The following CSPG4 variants were observed in gnomAD, a reference collection of about 807,000 sequenced individuals.
CSPG4 encodes the protein chondroitin sulfate proteoglycan 4.
In CSPG4, 74 loss-of-function variants were observed where a neutral mutation model predicts 139.3. That is an observed-to-expected ratio of 0.53 (90% CI 0.44 to 0.64). The LOEUF is 0.64. CSPG4 is among the 30% of genes least tolerant of loss of function. CSPG4 has a pLI of 0.00. For missense variants in CSPG4, 2,565 were observed against 3,148.3 expected, an observed-to-expected ratio of 0.81 and a Z score of 4.43; for synonymous variants, 1,234 against 1,394.2, an observed-to-expected ratio of 0.89 and a Z score of 2.56.
Position 75,682,729 on chromosome 15 carries a change from C to T in CSPG4, c.4661G>A (p.Gly1554Glu). The change falls in exon 7 of 10, where the codon GGA (glycine) becomes GAA (glutamate). Residue 1554 changes from glycine (G) to glutamate (E), a missense_variant. Gly to Glu is a moderately conservative substitution (Grantham distance 98). Around this residue, in one of 5 missense-constraint regions of CSPG4, gnomAD observed 2,316 missense variants for 2,818.2 expected, o/e 0.82. Transcript: ENST00000308508. ...VLFSHRGTLD[G>E]GFRFRLSDGE... ...GTCAGAGAGGCGGAAGCGGAAGCCT[C>T]CATCCAGGGTTCCTGGGGACAGGGG... The T allele has an allele frequency of 6.2e-7, 1 of 1,612,926 alleles. No homozygotes were observed. Among genetic ancestry groups the T allele is most frequent in the Non-Finnish European group, 8.5e-7 (1 of 1,180,002 alleles).
Position 75,689,044 on chromosome 15 carries a change from G to C in CSPG4, c.2021C>G (p.Ala674Gly). 6.2e-7 allele frequency: 1 copy of C among 1,611,524 alleles called. No homozygotes were observed. Among genetic ancestry groups the C allele is most frequent in the Non-Finnish European group, 8.5e-7 (1 of 1,179,956 alleles). The change falls in exon 3 of 10, where the codon GCC (alanine) becomes GGC (glycine). Residue 674 changes from alanine to glycine, a missense_variant. By Grantham distance (60) the Ala-to-Gly change is moderately conservative. Around this residue, in one of 5 missense-constraint regions of CSPG4, gnomAD observed 2,316 missense variants for 2,818.2 expected, o/e 0.82. Transcript: ENST00000308508. ...CAAGATGGGCATGGCAGAGCCTTGG[G>C]CCAGTCGCAACCCTGTGCTGCGGTG... is the stretch of plus-strand genomic sequence containing the variant. ...QIHRSTGLRL[A>G]QGSAMPILPA... is the part of the protein sequence containing the mutation.
At position 75,688,792 on chromosome 15, in the gene CSPG4, T is replaced by C. The variant is rs1201159589; in HGVS notation, c.2273A>G (p.Asn758Ser). 4.0e-5 allele frequency: 65 copies of C among 1,612,758 alleles called. No individual in the cohort carries two copies. The highest frequency in any genetic ancestry group is 5.4e-5 in the Non-Finnish European group (64 of 1,179,888). Residue 758 changes from asparagine to serine, a missense_variant, in exon 3 of 10, where the codon AAC (asparagine) becomes AGC (serine). This residue lies in a region of CSPG4 where 2,316 missense variants were observed against 2,818.2 expected (regional missense o/e 0.82). Transcript: ENST00000308508. Reference protein sequence around the residue: ...PQHHAYDTVENLALEVQVGQE... With the variant: ...PQHHAYDTVESLALEVQVGQE... Reference sequence around the variant, plus strand: ...GCCCACCTGCACCTCCAGGGCCAGGTTCTCCACGGTGTCGTAAGCGTGGTG... The same window carrying C: ...GCCCACCTGCACCTCCAGGGCCAGGCTCTCCACGGTGTCGTAAGCGTGGTG...
At chr15:75,709,990 C>T (rs1431326371) in intron 1 of CSPG4, among the ~76,000 whole-genome samples, 2 of 151,864 alleles carry the variant, frequency 1.3e-5, no homozygotes, top group Non-Finnish European at 2.9e-5. Flanking sequence ...AAGGTGCACA[C>T]AAGGCTCAGT....
chr15:75,678,657 A>G (rs1726440661), intron 8 of CSPG4: 1 of 455,950 alleles, frequency 2.2e-6, no homozygotes, highest in African/African-American at 2.0e-5. Flanking sequence ...CCTGGCCAGA[A>G]AAAACTATTC....
intron 1 of CSPG4, among the ~76,000 whole-genome samples, chr15:75,697,520 C>T (rs994564287): frequency 2.6e-5 from 4 of 152,250 alleles, no homozygotes; most frequent in African/African-American, 9.6e-5. Context: ...GGTCCCAGCA[C>T]CACCCGTGTG....
rs560129421 is a variant in CSPG4 at position 75,703,565 on chromosome 15, T to A, written c.88+9103A>T. 2.0e-5 allele frequency among the ~76,000 whole-genome samples: 3 copies of A among 152,264 alleles called. No homozygotes were observed. In the East Asian group the frequency reaches 5.8e-4, roughly 30 times the overall value. ...TCTCCACGGGGAAGGCCCAGGCCTG[T>A]TGGAGGCAACGCAATGCGGTGGGGC... On this transcript the variant is annotated intron_variant, in intron 1 of 9. Coordinates refer to ENST00000308508, the MANE Select transcript of CSPG4 (RefSeq NM_001897.5).
intron 1 of CSPG4, among the ~76,000 whole-genome samples, chr15:75,706,719 A>G (rs1894378371): frequency 6.6e-6 from 1 of 152,152 alleles, no homozygotes; most frequent in African/African-American, 2.4e-5. Flanking sequence ...GTAGAAGTGG[A>G]AAGGTGCCAG....
At position 75,688,683 on chromosome 15, in the gene CSPG4, A is replaced by T; in HGVS notation, c.2382T>A (p.Thr794=). The T allele has an allele frequency of 6.2e-7, 1 of 1,611,386 alleles. No individual in the cohort carries two copies. Among genetic ancestry groups the T allele is most frequent in the Non-Finnish European group, 8.5e-7 (1 of 1,179,100 alleles). The change falls in exon 3 of 10, where the codon ACT becomes ACA. Residue 794 remains threonine, a synonymous_variant. Coordinates refer to ENST00000308508, the MANE Select transcript of CSPG4 (RefSeq NM_001897.5). ...TGAGGGTCTCCTGCTGGGTGTTCTG[A>T]GTGTGCAGTGGCTCCAGCCGCAGCA... is the stretch of plus-strand genomic sequence containing the variant. ...VWMLRLEPLH[T]QNTQQETLTT... is the part of the protein sequence containing the mutation.
chr15:75,680,629 C>CA (rs1893960832), intron 8 of CSPG4: 1 of 153,086 alleles, frequency 6.5e-6, no homozygotes, highest in African/African-American at 2.4e-5. Context: ...GGGAGTGAGA[C>CA]AAAAAACAGG....
intron 5 of CSPG4, among the ~76,000 whole-genome samples, chr15:75,683,595 G>C (rs1016913177): frequency 6.6e-6 from 1 of 152,254 alleles, no homozygotes; most frequent in African/African-American, 2.4e-5. Context: ...GATGGGCCCA[G>C]GTGCTTCCAG....
Position 75,677,227 on chromosome 15 carries a change from C to T in CSPG4, c.5292G>A (p.Glu1764=). Residue 1764 remains glutamate, a synonymous_variant, in exon 10 of 10, where the codon GAG becomes GAA. Coordinates refer to ENST00000308508, the MANE Select transcript of CSPG4 (RefSeq NM_001897.5). ...FPSRGQLLVS[E]EPLHAGQPHF... ...GGGGCTGCCCAGCATGGAGGGGCTCCTCGGACACCAACAGCTGGCCCCGGC... is the reference window on the plus strand; with the variant it reads ...GGGGCTGCCCAGCATGGAGGGGCTCTTCGGACACCAACAGCTGGCCCCGGC... 6.1e-6 allele frequency: 9 copies of T among 1,479,994 alleles called. No individual in the cohort carries two copies. Among genetic ancestry groups the T allele is most frequent in the Non-Finnish European group, 8.1e-6 (9 of 1,110,856 alleles). 91.7% of individuals were successfully genotyped at this position (1,479,994 alleles called of 1,614,324 possible). A position where few individuals can be genotyped will look rare whatever the true frequency, so the allele number is the denominator to read the frequency against.
rs1423166830 is a variant in CSPG4 at position 75,688,287 on chromosome 15, A to C, written c.2778T>G (p.Ser926Arg). ...VLSADHLFVK[S>R]LNSASYLYEV... ...CATAGAGGTAGCTGGCACTGTTGAG[A>C]CTCTTGACAAAGAGGTGGTCAGCAG... is the stretch of plus-strand genomic sequence containing the variant. The change falls in exon 3 of 10, where the codon AGT becomes AGG. Residue 926 changes from serine (S) to arginine (R), a missense_variant. Around this residue, in one of 5 missense-constraint regions of CSPG4, gnomAD observed 2,316 missense variants for 2,818.2 expected, o/e 0.82. Transcript: ENST00000308508. The C allele has an allele frequency of 6.2e-7, 1 of 1,612,726 alleles. No homozygotes were observed. The highest frequency in any genetic ancestry group is 1.7e-5 in the Admixed American group (1 of 59,990).
At chr15:75,706,425 GTGTA>G (rs1894373492) in intron 1 of CSPG4, among the ~76,000 whole-genome samples, 2 of 152,010 alleles carry the variant, frequency 1.3e-5, no homozygotes, top group Non-Finnish European at 2.9e-5. Flanking sequence ...GTGTGTGAAT[GTGTA>G]TGTGTGTGTG....
At chr15:75,679,602 A>G (rs1893943960) in intron 8 of CSPG4, 1 of 152,266 alleles carries the variant, frequency 6.6e-6, no homozygotes, top group Non-Finnish European at 1.5e-5. Context: ...ACACCAAAGA[A>G]TATTCTTCGC....
At chr15:75,686,115 G>A (rs1212184758) in intron 3 of CSPG4, among the ~76,000 whole-genome samples, 2 of 152,176 alleles carry the variant, frequency 1.3e-5, no homozygotes, top group Non-Finnish European at 2.9e-5. Flanking sequence ...CTGGTCACAT[G>A]TTAATGCCCA....
chr15:75,684,054 C>T (rs1381271199), intron 5 of CSPG4, among the ~76,000 whole-genome samples: 4 of 151,890 alleles, frequency 2.6e-5, no homozygotes, highest in African/African-American at 9.7e-5. Flanking sequence ...CCAGGCACCC[C>T]ATGCCAGAGA....
Position 75,687,871 on chromosome 15 carries a change from A to T in CSPG4, c.3194T>A (p.Phe1065Tyr). 6.2e-7 allele frequency: 1 copy of T among 1,612,924 alleles called. No homozygotes were observed. Among genetic ancestry groups the T allele is most frequent in the Non-Finnish European group, 8.5e-7 (1 of 1,180,016 alleles). Residue 1065 changes from phenylalanine (F) to tyrosine (Y), a missense_variant, in exon 3 of 10, where the codon TTT (phenylalanine) becomes TAT (tyrosine). Around this residue, in one of 5 missense-constraint regions of CSPG4, gnomAD observed 2,316 missense variants for 2,818.2 expected, o/e 0.82. Transcript: ENST00000308508. The surrounding 1 kb of genome is among the most constrained non-coding windows in gnomAD (Gnocchi z 5.4). ...CTCATCTACGGCCACGATACTGCCA[A>T]AGAGGAGGTCCTTGCGGGTAAGCAC... ...QLVLTRKDLL[F>Y]GSIVAVDEPT...
rs548067815 is a variant in CSPG4, at chr15:75,685,006, C to A, written c.4273-94G>T. The A allele has an allele frequency of 1.0e-4, 135 of 1,355,666 alleles. 1 individual carries two copies. In the South Asian group the frequency reaches 1.6e-3, roughly 16 times the overall value. The allele number at this position is 1,355,666 out of a possible 1,614,324, so 84.0% of individuals were successfully genotyped here. ...GAGGAGACTGACTCTTTTAGGGCTT[C>A]ATTTTCCATTGGTAGAAAATGGGGA... On this transcript the variant is annotated intron_variant, in intron 4 of 9. Coordinates refer to ENST00000308508, the MANE Select transcript of CSPG4 (RefSeq NM_001897.5).
At position 75,676,228 on chromosome 15, in the gene CSPG4, C is replaced by T. The variant is rs1489860667; in HGVS notation, c.6291G>A (p.Val2097=). 1 of 1,550,398 alleles carries T rather than the reference C, an allele frequency of 6.4e-7. No homozygotes were observed. The highest frequency in any genetic ancestry group is 8.7e-7 in the Non-Finnish European group (1 of 1,154,690). The change falls in exon 10 of 10, where the codon GTG becomes GTA. Residue 2097 remains valine, a synonymous_variant. Coordinates refer to ENST00000308508, the MANE Select transcript of CSPG4 (RefSeq NM_001897.5). ...EGPRHGRVVR[V]PRARTEPGGS... Reference sequence around the variant, plus strand: ...CCCCGGGCTCCGTCCTGGCTCGGGGCACGCGGACCACGCGGCCATGCCGGG... The same window carrying T: ...CCCCGGGCTCCGTCCTGGCTCGGGGTACGCGGACCACGCGGCCATGCCGGG...
Sources: allele counts gnomAD v4.1 joint callset (sites outside exome capture counted in the v4.1 genomes callset), GRCh38; gene constraint gnomAD v4.1.1; regional missense constraint gnomAD v4.1.1; non-coding constraint Gnocchi (gnomAD v3.1); transcripts MANE v1.5; gene names NCBI Gene and HGNC (gene_info 2026-07-23, HGNC 2026-07-21).